Variants in UBE2U observed in about 807,000 individuals in gnomAD.
UBE2U encodes ubiquitin-conjugating enzyme E2 U.
UBE2U carries 39 observed loss-of-function variants against 41.2 expected under a neutral mutation model. That is an observed-to-expected ratio of 0.95 (90% CI 0.73 to 1.24). The LOEUF is 1.24. Among genes scored for constraint, UBE2U ranks in the 50% most tolerant of loss-of-function variants. UBE2U has a pLI of 0.00. For missense variants in UBE2U, 336 were observed against 363.1 expected (o/e 0.93, Z 0.61); for synonymous variants, 107 against 117.8 (o/e 0.91, Z 0.60).
intron 7 of UBE2U, 29 bp downstream of exon 7, chr1:64,232,678 C>T (rs758381999): frequency 1.9e-6 from 3 of 1,549,006 alleles, no homozygotes; most frequent in South Asian, 1.2e-5. Context: ...ATCCTATGTC[C>T]TTTTGGTATA....
intron 6 of UBE2U, among the ~76,000 whole-genome samples, chr1:64,223,324 G>A (rs1165821206): frequency 6.6e-6 from 1 of 152,158 alleles, no homozygotes; most frequent in East Asian, 1.9e-4. Context: ...CTGAAAGGGA[G>A]ACAGTGCAAG....
At chr1:64,230,669 C>T (rs749712293) in intron 6 of UBE2U, among the ~76,000 whole-genome samples, 1 of 152,118 alleles carries the variant, frequency 6.6e-6, no homozygotes. Flanking sequence ...CTCCCTCCTC[C>T]GACTTCTTTG....
chr1:64,257,938 TAAG>T (rs1176360499), intron 8 of UBE2U, among the ~76,000 whole-genome samples: 1 of 151,858 alleles, frequency 6.6e-6, no homozygotes, highest in African/African-American at 2.4e-5. Context: ...CTCAGTAAAT[TAAG>T]AATAGGAAAG....
intron 5 of UBE2U, among the ~76,000 whole-genome samples, chr1:64,216,388 CTG>C (rs1280769221): frequency 8.5e-5 from 13 of 152,324 alleles, no homozygotes; most frequent in African/African-American, 3.1e-4. Context: ...GCTGAAGAAA[CTG>C]TATATATTTA....
At chr1:64,239,083 AGAG>A (rs1376551804) in intron 7 of UBE2U, among the ~76,000 whole-genome samples, 788 of 68,540 alleles carry the variant, frequency 0.011, 4 homozygotes, top group Non-Finnish European at 0.014. Flanking sequence ...AGGAAGAGGA[AGAG>A]GAAGAGGAAG....
chr1:64,219,057 C>T (rs1009174455), intron 5 of UBE2U, among the ~76,000 whole-genome samples: 1 of 152,098 alleles, frequency 6.6e-6, no homozygotes, highest in Non-Finnish European at 1.5e-5. Flanking sequence ...CCCCATTTTC[C>T]TTGTGGTTGG....
chr1:64,255,738 C>T (rs1645079738), intron 8 of UBE2U, among the ~76,000 whole-genome samples: 1 of 152,072 alleles, frequency 6.6e-6, no homozygotes, highest in South Asian at 2.1e-4. Context: ...CGCTCCTATT[C>T]AACATAGTAT....
intron 7 of UBE2U, among the ~76,000 whole-genome samples, chr1:64,239,062 A>AAGAGGAAGAGGAAGAG (rs1644728486): frequency 7.0e-5 from 5 of 71,278 alleles, no homozygotes; most frequent in African/African-American, 2.2e-4. Flanking sequence ...AAGAAGAAGA[A>AAGAGGAAGAGGAAGAG]GAAGAGGAAG....
intron 8 of UBE2U, among the ~76,000 whole-genome samples, chr1:64,253,346 A>T (rs1361435207): frequency 1.3e-5 from 2 of 152,208 alleles, no homozygotes; most frequent in Non-Finnish European, 2.9e-5. Context: ...ATACTTCAGG[A>T]TATCATCCAG....
At chr1:64,243,464 G>C (rs988387381) in intron 8 of UBE2U, among the ~76,000 whole-genome samples, 21 of 152,108 alleles carry the variant, frequency 1.4e-4, no homozygotes, top group African/African-American at 5.1e-4. Context: ...AGAGAATCAA[G>C]TAGAAAATGT....
intron 8 of UBE2U, among the ~76,000 whole-genome samples, chr1:64,260,066 T>C (rs987160698): frequency 1.3e-5 from 2 of 151,656 alleles, no homozygotes; most frequent in African/African-American, 4.8e-5. Context: ...TCATGTGACA[T>C]TGGAAGCAGA....
chr1:64,229,372 A>AT (rs1327614711), intron 6 of UBE2U, among the ~76,000 whole-genome samples: 3 of 152,308 alleles, frequency 2.0e-5, no homozygotes, highest in Non-Finnish European at 2.9e-5. Context: ...TATCAAGGCA[A>AT]TGGAGACCAG....
chr1:64,254,459 T>C (rs539191499), intron 8 of UBE2U, among the ~76,000 whole-genome samples: 86 of 152,308 alleles, frequency 5.6e-4, no homozygotes, highest in African/African-American at 2.0e-3. Flanking sequence ...AAATATACAT[T>C]GTTCTCATTG....
intron 8 of UBE2U, among the ~76,000 whole-genome samples, chr1:64,256,658 TAAA>T (rs542932773): frequency 2.0e-4 from 30 of 152,054 alleles, no homozygotes; most frequent in Non-Finnish European, 3.8e-4. Context: ...CCCAAAACTA[TAAA>T]AACCCTAGAT....
At chr1:64,234,043 T>G (rs1293361736) in intron 7 of UBE2U, among the ~76,000 whole-genome samples, 1 of 152,206 alleles carries the variant, frequency 6.6e-6, no homozygotes, top group Non-Finnish European at 1.5e-5. Context: ...CTCTACTTAC[T>G]CTCTCTGAAA....
intron 6 of UBE2U, among the ~76,000 whole-genome samples, chr1:64,224,698 G>A (rs892471209): frequency 1.3e-5 from 2 of 151,128 alleles, no homozygotes; most frequent in Admixed American, 1.3e-4. Context: ...ACTCCAGCCT[G>A]GGCAACAGAG....
At chr1:64,208,983 A>G (rs1651490734) in intron 3 of UBE2U, among the ~76,000 whole-genome samples, 1 of 152,210 alleles carries the variant, frequency 6.6e-6, no homozygotes, top group Non-Finnish European at 1.5e-5. Context: ...GTATACATAT[A>G]TGTGTTTGTG....
intron 8 of UBE2U, among the ~76,000 whole-genome samples, chr1:64,247,616 G>T (rs1172874527): frequency 6.6e-6 from 1 of 152,144 alleles, no homozygotes; most frequent in Non-Finnish European, 1.5e-5. Context: ...TGTAATCCCA[G>T]CACTTTGGGA....
intron 8 of UBE2U, among the ~76,000 whole-genome samples, chr1:64,253,175 T>C (rs533935905): frequency 1.3e-5 from 2 of 152,134 alleles, no homozygotes; most frequent in Non-Finnish European, 2.9e-5. Flanking sequence ...GAGCTTGAAG[T>C]CTATCTTTCT....
Sources: allele counts gnomAD v4.1 joint callset (sites outside exome capture counted in the v4.1 genomes callset), GRCh38; gene constraint gnomAD v4.1.1; transcripts MANE v1.5; gene names NCBI Gene and HGNC (gene_info 2026-07-23, HGNC 2026-07-21).